The following RHOBTB3 variants were observed in gnomAD, a reference collection of about 807,000 sequenced individuals.
RHOBTB3 encodes Rho related BTB domain containing 3.
A neutral mutation model predicts 67.2 loss-of-function variants in RHOBTB3; 47 were observed. The observed-to-expected ratio is 0.70, with a 90% CI of 0.55 to 0.89. The LOEUF is 0.89. RHOBTB3 is among the 40% of genes least tolerant of loss of function. The pLI is 0.00. For synonymous variants in RHOBTB3, 273 were observed against 274.2 expected (o/e 1.00, Z 0.04); for missense variants, 631 against 750.0 (o/e 0.84, Z 1.85).
rs1561460351 is a variant in RHOBTB3 at position 95,793,979 on chromosome 5, CTA to C, written c.*807_*808del. ...TGTCTGTTTCGTGGTGGGAAATATC[CTA>C]TGTTTTCTTGCTCAAACACCTTTCT... is the stretch of plus-strand genomic sequence containing the variant. On this transcript the variant is annotated 3_prime_UTR_variant, in exon 12 of 12. Coordinates refer to ENST00000379982, the MANE Select transcript of RHOBTB3 (RefSeq NM_014899.4). The C allele has an allele frequency of 1.5e-5, 7 of 456,096 alleles. No individual in the cohort carries two copies. Among genetic ancestry groups the C allele is most frequent in the Middle Eastern group, 3.3e-4 (1 of 3,076 alleles). 28.3% of individuals were successfully genotyped at this position (456,096 alleles called of 1,614,324 possible). A position where few individuals can be genotyped will look rare whatever the true frequency, so the allele number is the denominator to read the frequency against.
At chr5:95,773,955 C>A (rs1745795332) in intron 8 of RHOBTB3, among the ~76,000 whole-genome samples, 1 of 152,182 alleles carries the variant, frequency 6.6e-6, no homozygotes, top group Non-Finnish European at 1.5e-5. Flanking sequence ...GATGACTCAG[C>A]AAATCACCAA....
chr5:95,778,441 C>T (rs1175092420), intron 8 of RHOBTB3, among the ~76,000 whole-genome samples: 7 of 148,534 alleles, frequency 4.7e-5, no homozygotes, highest in African/African-American at 1.5e-4. Flanking sequence ...TCTGTTGGTT[C>T]GATCTGTGGA....
intron 4 of RHOBTB3, among the ~76,000 whole-genome samples, chr5:95,750,501 A>T (rs1002044428): frequency 1.3e-5 from 2 of 152,248 alleles, no homozygotes; most frequent in African/African-American, 4.8e-5. Flanking sequence ...TAGGTGCTCT[A>T]TGGCTACATG....
chr5:95,723,712 A>G (rs549540885), intron 1 of RHOBTB3, among the ~76,000 whole-genome samples: 3 of 152,240 alleles, frequency 2.0e-5, no homozygotes, highest in East Asian at 3.9e-4. Context: ...GCTTTTCCCT[A>G]TCTCTCCTTT....
At chr5:95,787,361 A>C (rs1200478937) in intron 10 of RHOBTB3, among the ~76,000 whole-genome samples, 2 of 152,158 alleles carry the variant, frequency 1.3e-5, no homozygotes, top group Admixed American at 6.5e-5. Flanking sequence ...GATAAACTAT[A>C]AATTTATTTC....
chr5:95,748,567 T>G (rs1026761934), intron 4 of RHOBTB3, 80 bp downstream of exon 4: 1 of 1,060,928 alleles, frequency 9.4e-7, no homozygotes, highest in Non-Finnish European at 1.3e-6. Flanking sequence ...CAGTTAGAAC[T>G]TCAGCTTTAA....
chr5:95,765,701 G>A (rs1470335501), intron 7 of RHOBTB3, among the ~76,000 whole-genome samples: 1 of 152,152 alleles, frequency 6.6e-6, no homozygotes, highest in Non-Finnish European at 1.5e-5. Context: ...TCGCTCTATC[G>A]CCCAGGCTGG....
intron 8 of RHOBTB3, among the ~76,000 whole-genome samples, chr5:95,772,774 A>G (rs886656225): frequency 1.3e-5 from 2 of 152,210 alleles, no homozygotes; most frequent in Non-Finnish European, 2.9e-5. Context: ...AGTAAGATTA[A>G]TCATCCTAAA....
intron 8 of RHOBTB3, among the ~76,000 whole-genome samples, chr5:95,774,571 A>C (rs1469244834): frequency 1.3e-5 from 2 of 152,166 alleles, no homozygotes; most frequent in Admixed American, 6.5e-5. Context: ...TCTCACTCTG[A>C]AATTAGCATT....
upstream of RHOBTB3, chr5:95,731,030 C>G (rs541331996): frequency 2.6e-4 from 253 of 967,728 alleles, no homozygotes; most frequent in African/African-American, 4.1e-3. Context: ...CCCCACCCCC[C>G]TTTCCTGGCT....
chr5:95,720,654 T>C (rs2112745420), intron 1 of RHOBTB3, among the ~76,000 whole-genome samples: 1 of 152,348 alleles, frequency 6.6e-6, no homozygotes, highest in Admixed American at 6.5e-5. Flanking sequence ...CTGTTTTGTT[T>C]GTATTACATT....
chr5:95,737,256 T>G (rs1490332451), intron 3 of RHOBTB3, among the ~76,000 whole-genome samples, 181 bp downstream of exon 3: 1 of 152,222 alleles, frequency 6.6e-6, no homozygotes, highest in Non-Finnish European at 1.5e-5. Context: ...GAGAGGATCA[T>G]GAACTTCTGC....
intron 1 of RHOBTB3, among the ~76,000 whole-genome samples, chr5:95,718,467 A>C (rs956872815): frequency 6.6e-6 from 1 of 152,230 alleles, no homozygotes; most frequent in African/African-American, 2.4e-5. Context: ...AGCTGAGGGA[A>C]GTTCCCCAGC....
chr5:95,749,105 T>C (rs1745012408), intron 4 of RHOBTB3, among the ~76,000 whole-genome samples: 1 of 152,238 alleles, frequency 6.6e-6, no homozygotes, highest in African/African-American at 2.4e-5. Flanking sequence ...GACTGTAATG[T>C]CCTTGGAGAA....
At chr5:95,722,330 A>C (rs1011650437) in intron 1 of RHOBTB3, among the ~76,000 whole-genome samples, 2 of 152,218 alleles carry the variant, frequency 1.3e-5, no homozygotes, top group African/African-American at 4.8e-5. Flanking sequence ...ATACCAGCAA[A>C]GTATTATACC....
intron 6 of RHOBTB3, among the ~76,000 whole-genome samples, chr5:95,757,342 T>C (rs548934064): frequency 2.0e-5 from 3 of 152,356 alleles, no homozygotes; most frequent in Admixed American, 1.3e-4. Context: ...TCAGAACTCC[T>C]GTCTTTAATT....
In RHOBTB3 at chr5:95,733,251, T is replaced by A. The variant is rs143489194; in HGVS notation, c.228+1167T>A. Among the ~76,000 whole-genome samples the A allele has an allele frequency of 3.2e-3, 483 of 152,364 alleles. 5 individuals are homozygous for A. The highest frequency in any genetic ancestry group is 4.1e-3 in the Non-Finnish European group (279 of 68,030). ...AAACCCCTAGTTATGATAGTGATGA[T>A]GCTGTTCATAAGAAGTATTGATGGA... On this transcript the variant is annotated intron_variant, in intron 2 of 11. Coordinates refer to ENST00000379982, the MANE Select transcript of RHOBTB3 (RefSeq NM_014899.4).
intron 4 of RHOBTB3, among the ~76,000 whole-genome samples, chr5:95,751,778 G>A (rs1461215906): frequency 6.6e-6 from 1 of 152,164 alleles, no homozygotes; most frequent in East Asian, 1.9e-4. Flanking sequence ...TTATAAGTGA[G>A]AACATGTGGT....
intron 10 of RHOBTB3, among the ~76,000 whole-genome samples, chr5:95,787,917 G>A (rs1429088857): frequency 6.6e-6 from 1 of 152,230 alleles, no homozygotes; most frequent in East Asian, 1.9e-4. Context: ...GCCTGGAAAT[G>A]GATAGTGGTG....
Sources: gnomAD v4.1 joint callset for allele counts (sites outside exome capture counted in the v4.1 genomes callset) on GRCh38, gnomAD v4.1.1 for gene constraint, MANE v1.5 for transcripts, NCBI Gene and HGNC (gene_info 2026-07-23, HGNC 2026-07-21) for gene names.